The following NLRP12 variants were observed in gnomAD, a reference collection of about 807,000 sequenced individuals.
NLRP12 encodes NACHT, LRR and PYD domains-containing protein 12.
In NLRP12, 108 loss-of-function variants were observed where a neutral mutation model predicts 91.2. That is an observed-to-expected ratio of 1.18 (90% CI 1.01 to 1.39). The LOEUF is 1.39. NLRP12 is among the 40% of genes most tolerant of loss of function. The pLI is 0.00. For missense variants in NLRP12, 1,530 were observed against 1,352.7 expected (o/e 1.13, Z -2.06); for synonymous variants, 613 against 566.7 (o/e 1.08, Z -1.16).
chr19:53,819,223 G>C (rs1227018363), intron 1 of NLRP12, among the ~76,000 whole-genome samples: 1 of 151,348 alleles, frequency 6.6e-6, no homozygotes, highest in African/African-American at 2.4e-5. Flanking sequence ...AATATGACAA[G>C]TAAGTAAATT....
At chr19:53,798,958 T>C (rs2091820436) in intron 7 of NLRP12, among the ~76,000 whole-genome samples, 1 of 151,510 alleles carries the variant, frequency 6.6e-6, no homozygotes, top group African/African-American at 2.4e-5. Context: ...GTCAGGCTGG[T>C]TTCGAACTCC....
intron 1 of NLRP12, among the ~76,000 whole-genome samples, chr19:53,823,438 TATATGTTTTAAATATATATTTTAA>T (rs2092294012): frequency 4.3e-5 from 5 of 116,408 alleles, no homozygotes; most frequent in Admixed American, 1.0e-4. Flanking sequence ...ATATTTAAAA[TATATGTTTTAAATATATATTTTAA>T]ATATATATTT....
rs368307356 is a variant in NLRP12 at position 53,807,566 on chromosome 19, G to A, written c.2172C>T (p.Ala724=). 1.2e-6 allele frequency: 2 copies of A among 1,614,078 alleles called. No individual in the cohort carries two copies. The highest frequency in any genetic ancestry group is 1.7e-6 in the Non-Finnish European group (2 of 1,180,000). The change falls in exon 4 of 10, where the codon GCC becomes GCT. Residue 724 remains alanine, a synonymous_variant. Coordinates refer to ENST00000324134, the MANE Select transcript of NLRP12 (RefSeq NM_144687.4). ...NLIELSLYRN[A]LGSRGVKLLC... ...GCAGCTTCACCCCCCGGCTGCCCAG[G>A]GCATTTCGGTACAGAGACAGCTCTA...
intron 7 of NLRP12, among the ~76,000 whole-genome samples, chr19:53,800,567 G>A (rs796572306): frequency 7.4e-5 from 11 of 147,962 alleles, no homozygotes; most frequent in African/African-American, 2.5e-4. Context: ...GCAAAGGGCC[G>A]TGCGTCAGAA....
At position 53,810,276 on chromosome 19, in the gene NLRP12, C is replaced by T. The variant is rs752139831; in HGVS notation, c.1383G>A (p.Leu461=). ...AGAGCCCATCTGCCGCCAAGGAGCA[C>T]AACCCTCTCTGGTTGGGTGGGGGCT... ...RLQPPPNQRG[L]CSLAADGLWN... Residue 461 remains leucine, a synonymous_variant, in exon 3 of 10, where the codon TTG becomes TTA. Coordinates refer to ENST00000324134, the MANE Select transcript of NLRP12 (RefSeq NM_144687.4). 15 of 1,614,052 alleles carry T rather than the reference C, an allele frequency of 9.3e-6. No homozygotes were observed. In the South Asian group the frequency reaches 1.5e-4, roughly 17 times the overall value.
chr19:53,799,245 C>T (rs369390787), intron 7 of NLRP12, among the ~76,000 whole-genome samples: 26 of 148,570 alleles, frequency 1.8e-4, no homozygotes, highest in African/African-American at 5.7e-4. Flanking sequence ...CTCTTGACCT[C>T]GTGATCCACC....
chr19:53,814,676 G>T lies in NLRP12; in HGVS notation c.370+232C>A, dbSNP rs1380453884. Among the ~76,000 whole-genome samples the T allele has an allele frequency of 5.3e-5, 8 of 152,238 alleles. No individual in the cohort carries two copies. In the East Asian group the frequency reaches 1.5e-3, roughly 29 times the overall value. ...TCTTAGCCTTCCTTGTTGCCCCTGC[G>T]TGTATGAGATGGTTTGGTAGCCATC... is the stretch of plus-strand genomic sequence containing the variant. On this transcript the variant is annotated intron_variant, in intron 2 of 9. Transcript: ENST00000324134.
At chr19:53,796,614 C>A (rs1257937732) in intron 8 of NLRP12, among the ~76,000 whole-genome samples, 2 of 152,068 alleles carry the variant, frequency 1.3e-5, no homozygotes, top group Admixed American at 1.3e-4. Flanking sequence ...AAACTCCTGA[C>A]CTCAAGTGAT....
Position 53,810,672 on chromosome 19 carries a change from C to A in NLRP12, c.987G>T (p.Arg329=), listed in dbSNP as rs755437200. Residue 329 remains arginine, a synonymous_variant, in exon 3 of 10, where the codon CGG becomes CGT. Transcript: ENST00000324134. The part of the protein sequence containing the change: ...PTELLLNSLI[R]KKLLPELSLL... ...AAGATAGCTCAGGGAGCAGCTTCTT[C>A]CGAATTAAGCTGTTAAGAAGCAGCT... 23 of 1,613,914 alleles carry A rather than the reference C, an allele frequency of 1.4e-5. No individual in the cohort carries two copies. The highest frequency in any genetic ancestry group is 1.8e-5 in the Non-Finnish European group (21 of 1,179,900).
intron 2 of NLRP12, among the ~76,000 whole-genome samples, chr19:53,811,691 C>G (rs750339242): frequency 2.0e-5 from 3 of 151,232 alleles, no homozygotes. Flanking sequence ...CTCAGCCTCC[C>G]GAGTAGCTGG....
rs34854934 is a variant in NLRP12 at position 53,811,050 on chromosome 19, G to T, written c.609C>A (p.Asp203Glu). 6.2e-7 allele frequency: 1 copy of T among 1,612,472 alleles called. No homozygotes were observed. Among genetic ancestry groups the T allele is most frequent in the African/African-American group, 1.3e-5 (1 of 74,882 alleles). ...TGCGCGGTGGCTCGGGGCGCTCCTC[G>T]TCTGGCTCAAAGAGGGTCTCTATCT... The part of the protein sequence containing the change: ...PIKIETLFEP[D>E]EERPEPPRTV... Residue 203 changes from aspartate (D) to glutamate (E), a missense_variant, in exon 3 of 10, where the codon GAC (aspartate) becomes GAA (glutamate). Coordinates refer to ENST00000324134, the MANE Select transcript of NLRP12 (RefSeq NM_144687.4).
upstream of NLRP12, chr19:53,824,323 G>A: frequency 1.4e-6 from 1 of 738,170 alleles, no homozygotes; most frequent in Non-Finnish European, 2.3e-6. Flanking sequence ...GAGAGCAAGG[G>A]AGGAAAGACC....
Position 53,794,136 on chromosome 19 carries a change from C to T in NLRP12, c.3099G>A (p.Trp1033Ter), listed in dbSNP as rs1348599488. The T allele has an allele frequency of 2.3e-5, 37 of 1,606,460 alleles. No homozygotes were observed. Among genetic ancestry groups the T allele is most frequent in the Non-Finnish European group, 3.2e-5 (37 of 1,173,082 alleles). Residue 1033 changes from tryptophan (W) to a stop codon, truncating the protein, a stop_gained and splice_region_variant, in exon 10 of 10, where the codon TGG (tryptophan) becomes TGA (stop). Transcript: ENST00000324134. LOFTEE classifies it low-confidence loss of function (END_TRUNC). ...SHPGCKLRVL[W>*]LFGMDLNKMT... Reference sequence around the variant, plus strand: ...TTTTATTCAGGTCCATCCCAAATAACCTGTGGACACAAGAGTTGATATTAT... The same window carrying T: ...TTTTATTCAGGTCCATCCCAAATAATCTGTGGACACAAGAGTTGATATTAT...
chr19:53,819,323 C>A (rs1331693072), intron 1 of NLRP12, among the ~76,000 whole-genome samples: 1 of 148,534 alleles, frequency 6.7e-6, no homozygotes, highest in South Asian at 2.1e-4. Context: ...CGGCTCACTG[C>A]AACCTCCGCC....
rs2091928782 is a variant in NLRP12, at chr19:53,804,663, G to A, written c.2415-541C>T. On this transcript the variant is annotated intron_variant, in intron 5 of 9. Coordinates refer to ENST00000324134, the MANE Select transcript of NLRP12 (RefSeq NM_144687.4). ...TGACCTCAGGTGATCCGCCTGCCTT[G>A]GCCTCCCAAAGTGCTGGGATTATAG... 2.7e-5 allele frequency among the ~76,000 whole-genome samples: 4 copies of A among 150,700 alleles called. No homozygotes were observed. The South Asian group carries it at 8.4e-4, about 32-fold the overall frequency.
At chr19:53,805,794 AGGCGTGAGC>A in intron 4 of NLRP12, 1 of 359,922 alleles carries the variant, frequency 2.8e-6, no homozygotes, top group Non-Finnish European at 5.3e-6. Flanking sequence ...CTGGAATTAC[AGGCGTGAGC>A]CATCATACCT....
chr19:53,813,030 G>A lies in NLRP12; in HGVS notation c.371-1742C>T, dbSNP rs534815568. On this transcript the variant is annotated intron_variant, in intron 2 of 9. Transcript: ENST00000324134. ...TGAGTAACTCGATTTACAGGTGCTC[G>A]CCACCACACCCAGCTGATTTTTGTA... Among the ~76,000 whole-genome samples the A allele has an allele frequency of 1.9e-3, 291 of 151,484 alleles. 1 individual carries two copies. Among genetic ancestry groups the A allele is most frequent in the Non-Finnish European group, 3.0e-3 (203 of 67,900 alleles).
chr19:53,822,999 C>T lies in NLRP12; in HGVS notation c.289+887G>A, dbSNP rs1272434736. 3.3e-5 allele frequency among the ~76,000 whole-genome samples: 5 copies of T among 151,470 alleles called. No individual in the cohort carries two copies. The East Asian group carries it at 5.9e-4, about 18-fold the overall frequency. On this transcript the variant is annotated intron_variant, in intron 1 of 9. Coordinates refer to ENST00000324134, the MANE Select transcript of NLRP12 (RefSeq NM_144687.4). ...GCCAGACTGATCTCGAATTCCTGAC[C>T]TCAGGTGACCCACCCGCCTTGGCCT... is the stretch of plus-strand genomic sequence containing the variant.
At chr19:53,811,875 ACTTT>A (rs1412149705) in intron 2 of NLRP12, among the ~76,000 whole-genome samples, 4 of 152,048 alleles carry the variant, frequency 2.6e-5, no homozygotes, top group African/African-American at 9.7e-5. Context: ...CCACAAAGTG[ACTTT>A]CAGCAAAGGA....
Sources: gnomAD v4.1 joint callset for allele counts (sites outside exome capture counted in the v4.1 genomes callset) on GRCh38, gnomAD v4.1.1 for gene constraint, MANE v1.5 for transcripts, NCBI Gene and HGNC (gene_info 2026-07-23, HGNC 2026-07-21) for gene names.